Variants in CCSER1 observed in about 807,000 individuals in gnomAD.
The protein encoded by CCSER1 is coiled-coil serine rich protein 1, also known as serine-rich coiled-coil domain-containing protein 1.
In CCSER1, 41 loss-of-function variants were observed where a neutral mutation model predicts 82.0. The ratio of observed to expected loss-of-function variants is 0.50; its 90% CI spans 0.39 to 0.65. The LOEUF is 0.65. Among genes scored for constraint, CCSER1 ranks in the 30% least tolerant of loss-of-function variants. The probability of loss-of-function intolerance (pLI) is 0.00; values close to 1 mark genes in which losing one functional copy is unlikely to be tolerated. For synonymous variants in CCSER1, 414 were observed against 383.9 expected, an observed-to-expected ratio of 1.08 and a Z score of -0.92; for missense variants, 1,119 against 1,064.2, an observed-to-expected ratio of 1.05 and a Z score of -0.72.
chr4:90,954,375 ATTAG>A (rs143687429), intron 9 of CCSER1, among the ~76,000 whole-genome samples: 1,891 of 152,124 alleles, frequency 0.012, 19 homozygotes, highest in Middle Eastern at 0.042. Context: ...AATTTTGCCA[ATTAG>A]TTAGCCAATT....
At chr4:90,752,900 G>A (rs1167384822) in intron 7 of CCSER1, among the ~76,000 whole-genome samples, 2 of 152,004 alleles carry the variant, frequency 1.3e-5, no homozygotes, top group Admixed American at 6.6e-5. Context: ...GCTATTTTAA[G>A]TTTATTTCTA....
intron 1 of CCSER1, among the ~76,000 whole-genome samples, chr4:90,271,429 A>C (rs914043918): frequency 6.6e-6 from 1 of 152,116 alleles, no homozygotes; most frequent in East Asian, 1.9e-4. Flanking sequence ...GGAAGACTGG[A>C]TGTCCATATG....
At chr4:90,291,313 A>G (rs2153466049) in intron 1 of CCSER1, among the ~76,000 whole-genome samples, 1 of 152,086 alleles carries the variant, frequency 6.6e-6, no homozygotes, top group East Asian at 1.9e-4. Flanking sequence ...CTCAAAAAAC[A>G]AGTTCATTTT....
chr4:90,568,813 A>C (rs1779743863), intron 5 of CCSER1, among the ~76,000 whole-genome samples: 1 of 146,700 alleles, frequency 6.8e-6, no homozygotes, highest in Non-Finnish European at 1.5e-5. Flanking sequence ...CCCAGGCTGC[A>C]ATGCAGTGGC....
At position 91,453,853 on chromosome 4, in the gene CCSER1, G is replaced by T. The variant is rs79184622; in HGVS notation, c.2218-144719G>T. Among the ~76,000 whole-genome samples, 892 of 152,126 alleles carry T rather than the reference G, an allele frequency of 5.9e-3. 6 individuals are homozygous for T. Among genetic ancestry groups the T allele is most frequent in the African/African-American group, 0.018 (744 of 41,530 alleles). On this transcript the variant is annotated intron_variant, in intron 10 of 10. Transcript: ENST00000509176. ...TTTCATCTGGTGATAGGCCATTTAT[G>T]AAAGGAATAACTCCTGGATACACAA... is the stretch of plus-strand genomic sequence containing the variant.
At chr4:91,018,101 T>C (rs1206918991) in intron 9 of CCSER1, among the ~76,000 whole-genome samples, 2 of 152,132 alleles carry the variant, frequency 1.3e-5, no homozygotes, top group Non-Finnish European at 2.9e-5. Context: ...TGTGTTTTTT[T>C]CTCTGGGAAA....
At chr4:90,315,581 T>C (rs1456333802) in intron 3 of CCSER1, among the ~76,000 whole-genome samples, 2 of 152,138 alleles carry the variant, frequency 1.3e-5, no homozygotes, top group African/African-American at 2.4e-5. Flanking sequence ...CTCGGCTCTC[T>C]GCAACCTCCC....
chr4:90,492,296 G>A (rs1768166891), intron 5 of CCSER1, among the ~76,000 whole-genome samples: 1 of 151,898 alleles, frequency 6.6e-6, no homozygotes, highest in African/African-American at 2.4e-5. Flanking sequence ...TTTTCTAGTT[G>A]GTTTGCATAG....
chr4:91,085,958 C>A lies in CCSER1; in HGVS notation c.2181C>A (p.Asn727Lys). 6.6e-7 allele frequency: 1 copy of A among 1,523,086 alleles called. No homozygotes were observed. The highest frequency in any genetic ancestry group is 8.9e-7 in the Non-Finnish European group (1 of 1,122,294). The allele number at this position is 1,523,086 out of a possible 1,614,324, so 94.3% of individuals were successfully genotyped here. ...QTELLCYDGLNLKRLETVQGG... is the reference protein window; with the variant it reads ...QTELLCYDGLKLKRLETVQGG... ...TTGCTTTTCTTTTTCAGGGTTTAAACTTGAAAAGACTAGAGACAGTACAAG... is the reference window on the plus strand; with the variant it reads ...TTGCTTTTCTTTTTCAGGGTTTAAAATTGAAAAGACTAGAGACAGTACAAG... Residue 727 changes from asparagine to lysine, a missense_variant, in exon 10 of 11, where the codon AAC (asparagine) becomes AAA (lysine). By Grantham distance (94) the Asn-to-Lys change is moderately conservative. Coordinates refer to ENST00000509176, the MANE Select transcript of CCSER1 (RefSeq NM_001145065.2).
rs58240569 is a variant in CCSER1 at position 90,893,755 on chromosome 4, TTG to T, written c.2095-29596_2095-29595del. 2.4e-3 allele frequency among the ~76,000 whole-genome samples: 351 copies of T among 144,678 alleles called. 1 individual carries two copies. The highest frequency in any genetic ancestry group is 5.4e-3 in the African/African-American group (219 of 40,274). The allele number at this position is 144,678 out of a possible 152,430, so 94.9% of individuals were successfully genotyped here. A position where few individuals can be genotyped will look rare whatever the true frequency, so the allele number is the denominator to read the frequency against. On this transcript the variant is annotated intron_variant, in intron 8 of 10. Transcript: ENST00000509176. ...GACATCTTGTTGAACACCTGAATTC[TTG>T]TGTGTGTGTGTGTGTGTGCGTGTGT...
intron 9 of CCSER1, among the ~76,000 whole-genome samples, chr4:90,988,554 T>TA (rs1193880963): frequency 6.6e-6 from 1 of 151,710 alleles, no homozygotes; most frequent in Admixed American, 6.6e-5. Context: ...ATCATGTTTT[T>TA]ATCTGATAAG....
intron 3 of CCSER1, among the ~76,000 whole-genome samples, chr4:90,390,579 C>T (rs9993261): frequency 0.27 from 40,997 of 151,980 alleles, 6,921 homozygotes; most frequent in East Asian, 0.48. Flanking sequence ...TAATGGCCTC[C>T]GCCTCCATCC....
chr4:91,075,051 A>G (rs998737568), intron 9 of CCSER1, among the ~76,000 whole-genome samples: 9 of 152,144 alleles, frequency 5.9e-5, no homozygotes, highest in South Asian at 2.1e-4. Context: ...TCTAATCATT[A>G]TGAAGGGGTA....
chr4:91,574,089 G>A (rs1763322999), intron 10 of CCSER1, among the ~76,000 whole-genome samples: 1 of 151,630 alleles, frequency 6.6e-6, no homozygotes, highest in African/African-American at 2.4e-5. Flanking sequence ...ACTACCCAAA[G>A]TGATCTACCA....
At chr4:90,992,490 G>T (rs551656601) in intron 9 of CCSER1, among the ~76,000 whole-genome samples, 2 of 152,102 alleles carry the variant, frequency 1.3e-5, no homozygotes, top group East Asian at 3.9e-4. Context: ...CTCACAGTTT[G>T]TTTTGGGTTA....
chr4:90,644,088 A>C (rs1393222597), intron 6 of CCSER1, among the ~76,000 whole-genome samples: 2 of 152,138 alleles, frequency 1.3e-5, no homozygotes, highest in African/African-American at 4.8e-5. Context: ...CGTTTGTTGC[A>C]GAGATTCTTT....
chr4:90,219,220 C>T (rs1037859304), intron 1 of CCSER1, among the ~76,000 whole-genome samples: 1 of 152,122 alleles, frequency 6.6e-6, no homozygotes, highest in Non-Finnish European at 1.5e-5. Flanking sequence ...GAGAATGTAT[C>T]TACAGGATGC....
At chr4:90,367,761 G>A (rs1322832427) in intron 3 of CCSER1, among the ~76,000 whole-genome samples, 4 of 151,802 alleles carry the variant, frequency 2.6e-5, no homozygotes, top group Non-Finnish European at 5.9e-5. Context: ...AAACAGTCCG[G>A]TTGAATGCAG....
At position 90,709,918 on chromosome 4, in the gene CCSER1, C is replaced by T. The variant is rs192197699; in HGVS notation, c.1933-13996C>T. ...TTCCACCAACAGTGTAAAAACATTC[C>T]TTTTTCTCTGCAACCTTGCCAGCAT... On this transcript the variant is annotated intron_variant, in intron 6 of 10. Transcript: ENST00000509176. Among the ~76,000 whole-genome samples the T allele has an allele frequency of 3.8e-4, 57 of 148,114 alleles. No individual in the cohort carries two copies. The East Asian group carries it at 8.9e-3, about 23-fold the overall frequency.
Sources: gnomAD v4.1 joint callset for allele counts (sites outside exome capture counted in the v4.1 genomes callset) on GRCh38, gnomAD v4.1.1 for gene constraint, MANE v1.5 for transcripts, NCBI Gene and HGNC (gene_info 2026-07-23, HGNC 2026-07-21) for gene names.